SHISA9: variants seen among roughly 807,000 people sequenced by gnomAD.
SHISA9 encodes shisa family member 9, also known as protein shisa-9.
A neutral mutation model predicts 38.0 loss-of-function variants in SHISA9; 13 were observed. That is an observed-to-expected ratio of 0.34 (90% confidence interval 0.22 to 0.54). The LOEUF is 0.54. Ranked by LOEUF, SHISA9 falls within the 20% of genes least tolerant of loss-of-function variation. The probability of loss-of-function intolerance (pLI) is 0.91; values close to 1 mark genes in which losing one functional copy is unlikely to be tolerated. For synonymous variants in SHISA9, 275 were observed against 242.0 expected (o/e 1.14, Z -1.27); for missense variants, 538 against 575.8 (o/e 0.93, Z 0.67).
At chr16:13,357,193 T>TG in the SHISA9 span, among the ~76,000 whole-genome samples, 2 of 151,968 alleles carry the variant, frequency 1.3e-5, no homozygotes, top group African/African-American at 4.8e-5. Context: ...AATAAGCGAC[T>TG]GGGGGGTTCT....
At chr16:13,360,876 C>T in the SHISA9 span, among the ~76,000 whole-genome samples, 27 of 152,268 alleles carry the variant, frequency 1.8e-4, 1 homozygote, top group South Asian at 1.0e-3. Flanking sequence ...TCAGAGGGCT[C>T]CTGGTAAGAT....
At chr16:13,308,565 G>A in the SHISA9 span, among the ~76,000 whole-genome samples, 5 of 152,056 alleles carry the variant, frequency 3.3e-5, no homozygotes, top group East Asian at 1.9e-4. Flanking sequence ...TCCCAATGAC[G>A]GTAATCTTCA....
intron 2 of SHISA9, among the ~76,000 whole-genome samples, chr16:12,939,320 G>A (rs185504892): frequency 1.1e-3 from 171 of 152,290 alleles, no homozygotes; most frequent in African/African-American, 3.8e-3. Context: ...CTGACCTCAG[G>A]CAATCCACCC....
chr16:13,118,111 G>T (rs57052092), intron 2 of SHISA9, among the ~76,000 whole-genome samples: 4,595 of 151,896 alleles, frequency 0.03, 101 homozygotes, highest in East Asian at 0.11. Flanking sequence ...GAACCTGGGA[G>T]GCGGAGGTTG....
intron 4 of SHISA9, among the ~76,000 whole-genome samples, chr16:13,226,598 A>T (rs893650599): frequency 4.6e-5 from 7 of 152,222 alleles, no homozygotes; most frequent in African/African-American, 1.7e-4. Flanking sequence ...AAATGACTCC[A>T]AATCTTAGTT....
intron 2 of SHISA9, among the ~76,000 whole-genome samples, chr16:13,010,093 G>A (rs1271375284): frequency 1.3e-5 from 2 of 152,100 alleles, no homozygotes; most frequent in South Asian, 4.1e-4. Context: ...CAGGAAGGTC[G>A]CTTGAGCCCA....
chr16:13,019,347 G>C (rs1230356781), intron 2 of SHISA9, among the ~76,000 whole-genome samples: 2 of 152,110 alleles, frequency 1.3e-5, no homozygotes, highest in South Asian at 4.2e-4. Context: ...CCAAGATCAA[G>C]GTTCCGGCAG....
At chr16:13,056,816 T>G (rs2073315981) in intron 2 of SHISA9, among the ~76,000 whole-genome samples, 1 of 152,002 alleles carries the variant, frequency 6.6e-6, no homozygotes, top group Non-Finnish European at 1.5e-5. Flanking sequence ...CTTATTAGGG[T>G]GGGAAAAGGG....
the SHISA9 span, among the ~76,000 whole-genome samples, chr16:13,305,961 G>T: frequency 6.6e-6 from 1 of 152,054 alleles, no homozygotes; most frequent in African/African-American, 2.4e-5. Context: ...TGAGAAGACA[G>T]AGTCCCTGCC....
At chr16:13,220,180 G>A (rs2051209424) in intron 4 of SHISA9, among the ~76,000 whole-genome samples, 1 of 152,170 alleles carries the variant, frequency 6.6e-6, no homozygotes, top group Non-Finnish European at 1.5e-5. Flanking sequence ...GATGTGGGAG[G>A]TTCTTCTTAT....
In SHISA9 at chr16:12,902,635, G is replaced by A; in HGVS notation, c.563+8G>A. 1 of 1,536,038 alleles carries A rather than the reference G, an allele frequency of 6.5e-7. No individual in the cohort carries two copies. Among genetic ancestry groups the A allele is most frequent in the East Asian group, 2.5e-5 (1 of 40,760 alleles). On this transcript the variant is annotated splice_region_variant and intron_variant, in intron 1 of 4. Transcript: ENST00000558583. ...AAGGGAGCACATGTCCAGGTGGGCT[G>A]CCTCCCCTTCGCCCTCCCCTCGGGG...
the SHISA9 span, among the ~76,000 whole-genome samples, chr16:13,258,965 C>T: frequency 2.6e-5 from 4 of 152,164 alleles, no homozygotes; most frequent in Non-Finnish European, 5.9e-5. Flanking sequence ...ATCATGCCTT[C>T]CCAACAGTTC....
chr16:12,962,858 GACCAGGGGT>G (rs2071929281), intron 2 of SHISA9, among the ~76,000 whole-genome samples: 1 of 152,338 alleles, frequency 6.6e-6, no homozygotes, highest in Non-Finnish European at 1.5e-5. Flanking sequence ...TGTTGGGCCT[GACCAGGGGT>G]AGCTGTGTGA....
chr16:13,267,904 G>T, the SHISA9 span, among the ~76,000 whole-genome samples: 1 of 147,592 alleles, frequency 6.8e-6, no homozygotes, highest in Non-Finnish European at 1.5e-5. Context: ...CTCAGCACCT[G>T]GCACTATTCT....
chr16:13,056,173 G>A (rs567904425), intron 2 of SHISA9, among the ~76,000 whole-genome samples: 1 of 152,304 alleles, frequency 6.6e-6, no homozygotes, highest in South Asian at 2.1e-4. Flanking sequence ...GCTTAAATGG[G>A]CTCAACTCTG....
chr16:12,995,648 T>G (rs1229683093), intron 2 of SHISA9, among the ~76,000 whole-genome samples: 1 of 152,222 alleles, frequency 6.6e-6, no homozygotes, highest in East Asian at 1.9e-4. Flanking sequence ...TTAAGGTCCC[T>G]AAGCCTCAGA....
chr16:13,241,866 C>T (rs1192875821), downstream of SHISA9, among the ~76,000 whole-genome samples: 1 of 152,158 alleles, frequency 6.6e-6, no homozygotes, highest in Admixed American at 6.5e-5. Context: ...ACAGGATGCT[C>T]TTTCAGCACT....
At chr16:13,135,244 G>C (rs928236909) in intron 2 of SHISA9, among the ~76,000 whole-genome samples, 1 of 152,274 alleles carries the variant, frequency 6.6e-6, no homozygotes, top group East Asian at 1.9e-4. Context: ...GTATGAAACT[G>C]TCACACATTG....
downstream of SHISA9, among the ~76,000 whole-genome samples, chr16:13,245,226 A>G (rs943757045): frequency 1.3e-5 from 2 of 152,122 alleles, no homozygotes; most frequent in Non-Finnish European, 2.9e-5. Context: ...CTTATTGCCC[A>G]CATTTATAAT....
Sources: allele counts gnomAD v4.1 joint callset (sites outside exome capture counted in the v4.1 genomes callset), GRCh38; gene constraint gnomAD v4.1.1; transcripts MANE v1.5; gene names NCBI Gene and HGNC (gene_info 2026-07-23, HGNC 2026-07-21).